The following SLC47A1 variants were observed in gnomAD, a reference collection of about 807,000 sequenced individuals.
SLC47A1 encodes the protein solute carrier family 47 member 1.
A neutral mutation model predicts 65.8 loss-of-function variants in SLC47A1; 58 were observed. The ratio of observed to expected loss-of-function variants is 0.88; its 90% CI spans 0.71 to 1.10. SLC47A1 has a LOEUF of 1.10. Among genes scored for constraint, SLC47A1 ranks in the 50% least tolerant of loss-of-function variants. The pLI is 0.00. For synonymous variants in SLC47A1, 285 were observed against 295.0 expected (o/e 0.97, Z 0.35); for missense variants, 706 against 719.2 (o/e 0.98, Z 0.21).
Position 19,561,371 on chromosome 17 carries a change from C to T in SLC47A1, c.1106+878C>T, listed in dbSNP as rs9911610. On this transcript the variant is annotated intron_variant, in intron 12 of 16. Coordinates refer to ENST00000270570, the MANE Select transcript of SLC47A1 (RefSeq NM_018242.3). ...GCAAGATCAGAGGCTCGGCCGGGCG[C>T]GGTGGCTCACACCTGTAATCCCAGC... 5.1e-3 allele frequency among the ~76,000 whole-genome samples: 773 copies of T among 151,948 alleles called. 9 individuals carry two copies. The highest frequency in any genetic ancestry group is 0.018 in the African/African-American group (732 of 41,450).
At chr17:19,573,382 T>G (rs1434185814) in intron 16 of SLC47A1, among the ~76,000 whole-genome samples, 1 of 152,200 alleles carries the variant, frequency 6.6e-6, no homozygotes, top group East Asian at 1.9e-4. Flanking sequence ...CACTTTGACT[T>G]CATAGAATGG....
chr17:19,574,171 C>T (rs1430598863), intron 16 of SLC47A1, among the ~76,000 whole-genome samples: 1 of 152,068 alleles, frequency 6.6e-6, no homozygotes, highest in Non-Finnish European at 1.5e-5. Context: ...GATCCACCCT[C>T]CTCGGCCCCC....
intron 2 of SLC47A1, among the ~76,000 whole-genome samples, chr17:19,543,765 G>A (rs1029942582): frequency 1.3e-5 from 2 of 152,158 alleles, no homozygotes; most frequent in African/African-American, 2.4e-5. Context: ...TTCTAGAAAA[G>A]TGGATTCAGT....
intron 16 of SLC47A1, among the ~76,000 whole-genome samples, chr17:19,576,643 A>G (rs961101318): frequency 2.0e-5 from 3 of 152,034 alleles, no homozygotes; most frequent in African/African-American, 4.8e-5. Flanking sequence ...CATCGCACCC[A>G]GACTTGAATT....
chr17:19,562,753 G>A (rs946742843), intron 12 of SLC47A1, among the ~76,000 whole-genome samples: 1 of 151,938 alleles, frequency 6.6e-6, no homozygotes, highest in African/African-American at 2.4e-5. Context: ...ATACAGCCCA[G>A]GAAAAGAATG....
Position 19,563,333 on chromosome 17 carries a change from C to T in SLC47A1, c.1106+2840C>T, listed in dbSNP as rs573572208. Among the ~76,000 whole-genome samples the T allele has an allele frequency of 5.3e-5, 8 of 151,758 alleles. No homozygotes were observed. In the South Asian group the frequency reaches 6.3e-4, roughly 12 times the overall value. ...ATTTTTGGTAGAGATGGGGTTTCAC[C>T]GTGTTAGCCAGGATGGTCTCGATCT... is the stretch of plus-strand genomic sequence containing the variant. On this transcript the variant is annotated intron_variant, in intron 12 of 16. Transcript: ENST00000270570.
chr17:19,536,884 G>T (rs2100093588), intron 1 of SLC47A1, among the ~76,000 whole-genome samples: 1 of 152,190 alleles, frequency 6.6e-6, no homozygotes, highest in South Asian at 2.1e-4. Context: ...GTCTCACTGG[G>T]CTTTAAATGA....
chr17:19,572,172 G>T (rs759662956), intron 15 of SLC47A1, among the ~76,000 whole-genome samples: 1 of 152,106 alleles, frequency 6.6e-6, no homozygotes, highest in Non-Finnish European at 1.5e-5. Context: ...GTTTTAAAAA[G>T]AAAGAGATAA....
At chr17:19,536,364 G>T (rs1348894832) in intron 1 of SLC47A1, among the ~76,000 whole-genome samples, 1 of 152,106 alleles carries the variant, frequency 6.6e-6, no homozygotes, top group African/African-American at 2.4e-5. Flanking sequence ...CCAGGGATGA[G>T]CACTAGACTG....
chr17:19,555,197 G>A lies in SLC47A1; in HGVS notation c.544-15G>A. On this transcript the variant is annotated splice_polypyrimidine_tract_variant and intron_variant, in intron 6 of 16. Transcript: ENST00000270570. Reference sequence around the variant, plus strand: ...CTGTGGATCTCAAGGATGGCATGCGGTGTCCTTTTTCCAGGGAATTGTACT... The same window carrying A: ...CTGTGGATCTCAAGGATGGCATGCGATGTCCTTTTTCCAGGGAATTGTACT... 1.2e-6 allele frequency: 2 copies of A among 1,612,274 alleles called. No individual in the cohort carries two copies. Among genetic ancestry groups the A allele is most frequent in the Admixed American group, 3.3e-5 (2 of 60,016 alleles).
chr17:19,577,369 G>C lies in SLC47A1; in HGVS notation c.1529G>C (p.Gly510Ala), dbSNP rs769826106. 1.9e-6 allele frequency: 3 copies of C among 1,614,166 alleles called. No homozygotes were observed. The highest frequency in any genetic ancestry group is 1.1e-5 in the South Asian group (1 of 91,084). ...NLEGILTNDV[G>A]KTGEPQSDQQ... ...GAAGGAATTTTAACGAACGATGTTG[G>C]AAAGACAGGCGAGCCTCAGTCAGAT... Residue 510 changes from glycine to alanine, a missense_variant, in exon 17 of 17, where the codon GGA becomes GCA. Coordinates refer to ENST00000270570, the MANE Select transcript of SLC47A1 (RefSeq NM_018242.3).
intron 1 of SLC47A1, among the ~76,000 whole-genome samples, chr17:19,537,956 A>G (rs376634178): frequency 6.6e-6 from 1 of 152,036 alleles, no homozygotes; most frequent in African/African-American, 2.4e-5. Flanking sequence ...TCCCCCAGAA[A>G]CCTTCTCTGA....
At position 19,578,392 on chromosome 17, in the gene SLC47A1, C is replaced by A; in HGVS notation, c.*839C>A. Reference sequence around the variant, plus strand: ...AGCTAATTTTTTATACCAGGGTCTACCCTTTGTTTCCCAGGCTGGTCTTGA... The same window carrying A: ...AGCTAATTTTTTATACCAGGGTCTAACCTTTGTTTCCCAGGCTGGTCTTGA... On this transcript the variant is annotated 3_prime_UTR_variant, in exon 17 of 17. Transcript: ENST00000270570. 5.7e-6 allele frequency: 1 copy of A among 176,490 alleles called. No individual in the cohort carries two copies. Among genetic ancestry groups the A allele is most frequent in the South Asian group, 1.1e-4 (1 of 9,222 alleles). 10.9% of individuals were successfully genotyped at this position (176,490 alleles called of 1,614,324 possible). A position where few individuals can be genotyped will look rare whatever the true frequency, so the allele number is the denominator to read the frequency against.
Position 19,578,552 on chromosome 17 carries a change from C to T in SLC47A1, c.*999C>T. 1 of 161,692 alleles carries T rather than the reference C, an allele frequency of 6.2e-6. No individual in the cohort carries two copies. Among genetic ancestry groups the T allele is most frequent in the Non-Finnish European group, 1.3e-5 (1 of 74,256 alleles). 10.0% of individuals were successfully genotyped at this position (161,692 alleles called of 1,614,324 possible). On this transcript the variant is annotated 3_prime_UTR_variant, in exon 17 of 17. Coordinates refer to ENST00000270570, the MANE Select transcript of SLC47A1 (RefSeq NM_018242.3). ...TAAGCAGTAATCCTACTTCATTAAG[C>T]CTTCCTGGGGTGCGGTACACACCGT...
In SLC47A1 at chr17:19,534,010, G is replaced by T. The variant is rs772367782; in HGVS notation, c.71G>T (p.Arg24Leu). 26 of 1,544,170 alleles carry T rather than the reference G, an allele frequency of 1.7e-5. No individual in the cohort carries two copies. The Admixed American group carries it at 3.7e-4, about 22-fold the overall frequency. Residue 24 changes from arginine (R) to leucine (L), a missense_variant, in exon 1 of 17, where the codon CGC (arginine) becomes CTC (leucine). Arg to Leu is a moderately radical substitution (Grantham distance 102, BLOSUM62 -2). Transcript: ENST00000270570. ...GCCACCCTTGAGGTCCGTGGGTCGC[G>T]CTGCTTGCGGCTGTCCGCCTTCCGA... is the stretch of plus-strand genomic sequence containing the variant. ...PEATLEVRGS[R>L]CLRLSAFREE... is the part of the protein sequence containing the mutation.
intron 10 of SLC47A1, 146 bp from the exon 11 acceptor site, chr17:19,560,042 A>T: frequency 3.3e-6 from 2 of 614,238 alleles, no homozygotes; most frequent in Non-Finnish European, 2.9e-6. Context: ...GTTCCCGGCT[A>T]GACAAAGGGG....
At chr17:19,542,193 TA>T (rs1479088349) in intron 1 of SLC47A1, among the ~76,000 whole-genome samples, 199 bp from the exon 2 acceptor site, 1 of 152,096 alleles carries the variant, frequency 6.6e-6, no homozygotes, top group East Asian at 1.9e-4. Context: ...TGGTTGCAAA[TA>T]AATGTTTTAA....
At chr17:19,547,716 C>CCT (rs1916328678) in intron 3 of SLC47A1, among the ~76,000 whole-genome samples, 1 of 68,588 alleles carries the variant, frequency 1.5e-5, no homozygotes, top group East Asian at 4.6e-4. Flanking sequence ...CCATGGGCTT[C>CCT]TTTTTTTTTT....
chr17:19,534,647 C>CT (rs1200630810), intron 1 of SLC47A1: 1 of 152,222 alleles, frequency 6.6e-6, no homozygotes, highest in Non-Finnish European at 1.5e-5. Flanking sequence ...CAGTCAACCT[C>CT]TACCGAGGAA....
Sources: allele counts gnomAD v4.1 joint callset (sites outside exome capture counted in the v4.1 genomes callset), GRCh38; gene constraint gnomAD v4.1.1; transcripts MANE v1.5; gene names NCBI Gene and HGNC (gene_info 2026-07-23, HGNC 2026-07-21).